GRIN2D: variants seen among roughly 807,000 people sequenced by gnomAD.
GRIN2D encodes glutamate receptor ionotropic, NMDA 2D.
GRIN2D carries 37 observed loss-of-function variants against 103.2 expected under a neutral mutation model. The observed-to-expected ratio is 0.36, with a 90% CI of 0.28 to 0.47. GRIN2D has a LOEUF of 0.47. Among genes scored for constraint, GRIN2D ranks in the 20% least tolerant of loss-of-function variants. GRIN2D has a pLI of 1.00. For missense variants in GRIN2D, 1,557 were observed against 1,910.6 expected (o/e 0.81, Z 3.45); for synonymous variants, 845 against 885.6 (o/e 0.95, Z 0.81).
chr19:48,443,347 T>C lies in GRIN2D; in HGVS notation c.3421T>C (p.Tyr1141His). 1 of 1,515,966 alleles carries C rather than the reference T, an allele frequency of 6.6e-7. No homozygotes were observed. Among genetic ancestry groups the C allele is most frequent in the Non-Finnish European group, 8.8e-7 (1 of 1,141,090 alleles). The allele number at this position is 1,515,966 out of a possible 1,614,324, so 93.9% of individuals were successfully genotyped here. Residue 1141 changes from tyrosine (Y) to histidine (H), a missense_variant, in exon 14 of 14, where the codon TAT becomes CAT. Physicochemically the swap from Tyr to His is moderately conservative, Grantham distance 83. Around this residue, in one of 7 missense-constraint regions of GRIN2D, gnomAD observed 632 missense variants for 572.8 expected, o/e 1.10. Transcript: ENST00000263269. This position sits in a 1 kb window ranked among gnomAD's most constrained non-coding sequence, Gnocchi z 8.9. ...GTGGTTCGCCGACTTCCCTTACCCG[T>C]ATGCCGAGCGCCTCGGGCCGCCGCC... ...PWWFADFPYP[Y>H]AERLGPPPGR... is the part of the protein sequence containing the mutation.
intron 3 of GRIN2D, among the ~76,000 whole-genome samples, chr19:48,402,502 G>A (rs1037703876): frequency 6.6e-5 from 10 of 151,928 alleles, no homozygotes; most frequent in Non-Finnish European, 1.3e-4. Context: ...TGGATCATGA[G>A]GTCAGGAGAT....
chr19:48,419,169 GC>G, intron 8 of GRIN2D, 64 bp from the exon 9 acceptor site: 1 of 1,526,168 alleles, frequency 6.6e-7, no homozygotes. Flanking sequence ...GTGAGGCACC[GC>G]CCCAGCCTGA....
Position 48,419,682 on chromosome 19 carries a change from C to G in GRIN2D, c.1959C>G (p.Thr653=). ...TGCCCGTGGAGAACCCCCGGGGAAC[C>G]ACCAGCAAAATCATGGTGCTGGTGT... is the stretch of plus-strand genomic sequence containing the variant. The part of the protein sequence containing the change: ...NSVPVENPRG[T]TSKIMVLVWA... The change falls in exon 10 of 14, where the codon ACC becomes ACG. Residue 653 remains threonine, a synonymous_variant. Coordinates refer to ENST00000263269, the MANE Select transcript of GRIN2D (RefSeq NM_000836.4). 6.2e-7 allele frequency: 1 copy of G among 1,613,556 alleles called. No homozygotes were observed. The highest frequency in any genetic ancestry group is 8.5e-7 in the Non-Finnish European group (1 of 1,179,868).
In GRIN2D at chr19:48,414,736, C is replaced by T; in HGVS notation, c.1413-128C>T. 2 of 1,287,470 alleles carry T rather than the reference C, an allele frequency of 1.6e-6. No individual in the cohort carries two copies. The highest frequency in any genetic ancestry group is 2.2e-6 in the Non-Finnish European group (2 of 926,104). 79.8% of individuals were successfully genotyped at this position (1,287,470 alleles called of 1,614,324 possible). A position where few individuals can be genotyped will look rare whatever the true frequency, so the allele number is the denominator to read the frequency against. On this transcript the variant is annotated intron_variant, in intron 6 of 13. Coordinates refer to ENST00000263269, the MANE Select transcript of GRIN2D (RefSeq NM_000836.4). The surrounding 1 kb of genome is among the most constrained non-coding windows in gnomAD (Gnocchi z 4.6). Reference sequence around the variant, plus strand: ...TAGGCAAACCTCAGAATTCTTTGAGCCTGAGTTTCCCCTGAAAGCGCTAAC... The same window carrying T: ...TAGGCAAACCTCAGAATTCTTTGAGTCTGAGTTTCCCCTGAAAGCGCTAAC...
intron 11 of GRIN2D, among the ~76,000 whole-genome samples, chr19:48,431,481 T>C (rs1971154421): frequency 6.6e-6 from 1 of 152,166 alleles, no homozygotes; most frequent in Non-Finnish European, 1.5e-5. Context: ...TGTAGAGAAA[T>C]CCAAGATCAT....
chr19:48,421,544 C>T lies in GRIN2D; in HGVS notation c.2092-241C>T, dbSNP rs745599896. On this transcript the variant is annotated intron_variant, in intron 10 of 13. Coordinates refer to ENST00000263269, the MANE Select transcript of GRIN2D (RefSeq NM_000836.4). The surrounding 1 kb of genome is among the most constrained non-coding windows in gnomAD (Gnocchi z 4.8). ...CGCGATTCAGTAAGTGAAGACTTAA[C>T]ACCTGGCACATCAGGGGCCTCAGGG... is the stretch of plus-strand genomic sequence containing the variant. 8.5e-5 allele frequency among the ~76,000 whole-genome samples: 13 copies of T among 152,230 alleles called. No homozygotes were observed. Among genetic ancestry groups the T allele is most frequent in the Non-Finnish European group, 1.6e-4 (11 of 68,044 alleles).
chr19:48,440,933 C>A (rs1386682228), intron 11 of GRIN2D, among the ~76,000 whole-genome samples: 1 of 152,210 alleles, frequency 6.6e-6, no homozygotes, highest in Non-Finnish European at 1.5e-5. Context: ...AGGTGATCCA[C>A]CTGCCTTGGC....
At chr19:48,400,298 A>C (rs556847833) in intron 3 of GRIN2D, among the ~76,000 whole-genome samples, 1 of 152,104 alleles carries the variant, frequency 6.6e-6, no homozygotes, top group Non-Finnish European at 1.5e-5. Context: ...CCAGAGGTGG[A>C]GCTTCATTCA....
chr19:48,412,427 AAGAAAG>A (rs1285465831), intron 4 of GRIN2D, among the ~76,000 whole-genome samples: 30 of 95,612 alleles, frequency 3.1e-4, no homozygotes, highest in African/African-American at 1.5e-3. Context: ...AAAGAAAAGA[AAGAAAG>A]AAAGAAAGAA....
intron 3 of GRIN2D, among the ~76,000 whole-genome samples, chr19:48,403,682 C>A (rs1201200172): frequency 1.3e-5 from 2 of 152,056 alleles, no homozygotes; most frequent in Non-Finnish European, 2.9e-5. Context: ...GAAGAGGTGA[C>A]AGAGAGGTAG....
At chr19:48,415,440 G>T (rs1196282497) in intron 7 of GRIN2D, among the ~76,000 whole-genome samples, 3 of 149,278 alleles carry the variant, frequency 2.0e-5, no homozygotes, top group Non-Finnish European at 1.5e-5. Flanking sequence ...GGAAACACCT[G>T]ATTGGGGCCT....
chr19:48,412,143 G>A (rs4802473), intron 4 of GRIN2D, among the ~76,000 whole-genome samples: 10,684 of 151,626 alleles, frequency 0.07, 560 homozygotes, highest in East Asian at 0.22. Flanking sequence ...TGGCTAACAC[G>A]GTGAAACCCC....
Position 48,430,784 on chromosome 19 carries a change from A to T in GRIN2D, c.2252+8839A>T, listed in dbSNP as rs560929202. On this transcript the variant is annotated intron_variant, in intron 11 of 13. Coordinates refer to ENST00000263269, the MANE Select transcript of GRIN2D (RefSeq NM_000836.4). ...ATATTAATATACTTAATATGTTAGA[A>T]GTATCAGATACTCTGTTAATTTCTT... Among the ~76,000 whole-genome samples, 17 of 150,860 alleles carry T rather than the reference A, an allele frequency of 1.1e-4. No homozygotes were observed. In the South Asian group the frequency reaches 3.6e-3, roughly 32 times the overall value.
rs1971326084 is a variant in GRIN2D, at chr19:48,443,147, CA to C, written c.3222del (p.Gly1075AlafsTer443). 3 of 992,854 alleles carry C rather than the reference CA, an allele frequency of 3.0e-6. No individual in the cohort carries two copies. Among genetic ancestry groups the C allele is most frequent in the Non-Finnish European group, 3.6e-6 (3 of 836,150 alleles). The allele number at this position is 992,854 out of a possible 1,614,324, so 61.5% of individuals were successfully genotyped here. On this transcript the variant is annotated frameshift_variant, in exon 14 of 14. Coordinates refer to ENST00000263269, the MANE Select transcript of GRIN2D (RefSeq NM_000836.4). LOFTEE classifies it high-confidence loss of function. The surrounding 1 kb of genome is among the most constrained non-coding windows in gnomAD (Gnocchi z 8.9). ...SDPESQPLLG[P>X]GAGGAGGTGG... ...CCCGAGAGCCAACCCCTGCTGGGGC[CA>C]GGCGCGGGCGGCGCGGGGGGCACGG...
Position 48,443,794 on chromosome 19 carries a change from C to A in GRIN2D, c.3868C>A (p.Pro1290Thr). The change falls in exon 14 of 14, where the codon CCC becomes ACC. Residue 1290 changes from proline (P) to threonine (T), a missense_variant. Around this residue, in one of 7 missense-constraint regions of GRIN2D, gnomAD observed 88 missense variants for 84.3 expected, o/e 1.04. Coordinates refer to ENST00000263269, the MANE Select transcript of GRIN2D (RefSeq NM_000836.4). The surrounding 1 kb of genome is among the most constrained non-coding windows in gnomAD (Gnocchi z 8.9). ...RAAPARRLTG[P>T]SRHARRCPHA... ...CGCCCCTGCGCGCAGGCTTACCGGG[C>A]CCTCCCGCCACGCTCGCAGGTGTCC... 6.8e-7 allele frequency: 1 copy of A among 1,470,286 alleles called. No homozygotes were observed. Among genetic ancestry groups the A allele is most frequent in the South Asian group, 1.3e-5 (1 of 77,304 alleles). The allele number at this position is 1,470,286 out of a possible 1,614,324, so 91.1% of individuals were successfully genotyped here. A position where few individuals can be genotyped will look rare whatever the true frequency, so the allele number is the denominator to read the frequency against.
intron 8 of GRIN2D, among the ~76,000 whole-genome samples, chr19:48,418,441 C>A (rs965635916): frequency 2.0e-5 from 3 of 151,950 alleles, no homozygotes; most frequent in African/African-American, 7.3e-5. Flanking sequence ...TGCTAGGGAG[C>A]CTGGGGAGGG....
chr19:48,409,370 C>T (rs1353814082), intron 4 of GRIN2D, among the ~76,000 whole-genome samples: 2 of 149,870 alleles, frequency 1.3e-5, no homozygotes, highest in African/African-American at 2.5e-5. Flanking sequence ...CCTCCACCTC[C>T]TGGATTCAAG....
chr19:48,419,469 G>A (rs981439333), intron 9 of GRIN2D, 110 bp downstream of exon 9: 77 of 1,422,992 alleles, frequency 5.4e-5, no homozygotes, highest in Non-Finnish European at 7.2e-5. Flanking sequence ...AGGGCCTCTC[G>A]GGAGGTGCCA....
At position 48,414,433 on chromosome 19, in the gene GRIN2D, C is replaced by T. The variant is rs868829814; in HGVS notation, c.1261C>T (p.Arg421Cys). 6.2e-7 allele frequency: 1 copy of T among 1,609,940 alleles called. No homozygotes were observed. ...GTACCCGCTGTGGTCCCGCTATGGT[C>T]GCTTCCTGCAGCCAGTGGACGACAC... The part of the protein sequence containing the change: ...LKYPLWSRYG[R>C]FLQPVDDTQH... Residue 421 changes from arginine (R) to cysteine (C), a missense_variant, in exon 6 of 14, where the codon CGC (arginine) becomes TGC (cysteine). Coordinates refer to ENST00000263269, the MANE Select transcript of GRIN2D (RefSeq NM_000836.4). This position sits in a 1 kb window ranked among gnomAD's most constrained non-coding sequence, Gnocchi z 4.6.
Sources: gnomAD v4.1 joint callset for allele counts (sites outside exome capture counted in the v4.1 genomes callset) on GRCh38, gnomAD v4.1.1 for gene constraint, gnomAD v4.1.1 regional missense constraint, Gnocchi (gnomAD v3.1) non-coding constraint, MANE v1.5 for transcripts, NCBI Gene and HGNC (gene_info 2026-07-23, HGNC 2026-07-21) for gene names.